Variants in DOCK9 observed in about 807,000 individuals in gnomAD.
DOCK9 encodes dedicator of cytokinesis 9.
Under a neutral mutation model 263.3 loss-of-function variants are expected in DOCK9, and 89 were observed. That is an observed-to-expected ratio of 0.34 (90% CI 0.28 to 0.40). The LOEUF is 0.40. Among genes scored for constraint, DOCK9 ranks in the 10% least tolerant of loss-of-function variants. The pLI, the probability that DOCK9 is intolerant of heterozygous loss-of-function variation, is 1.00. For missense variants in DOCK9, 2,140 were observed against 2,603.4 expected, an observed-to-expected ratio of 0.82 and a Z score of 3.87; for synonymous variants, 976 against 973.1, an observed-to-expected ratio of 1.00 and a Z score of -0.06.
intron 1 of DOCK9, among the ~76,000 whole-genome samples, chr13:99,063,072 G>C (rs1429394822): frequency 6.6e-6 from 1 of 152,200 alleles, no homozygotes; most frequent in Admixed American, 6.5e-5. Flanking sequence ...AATACAAGAG[G>C]TCCAGGAAAG....
chr13:98,975,272 G>A (rs1273629586), intron 1 of DOCK9, among the ~76,000 whole-genome samples: 4 of 151,712 alleles, frequency 2.6e-5, no homozygotes, highest in African/African-American at 4.8e-5. Flanking sequence ...TTAGCTACTC[G>A]GGAGGCTTGA....
intron 32 of DOCK9, 112 bp downstream of exon 32, chr13:98,862,907 T>C: frequency 3.4e-6 from 3 of 890,528 alleles, no homozygotes; most frequent in Non-Finnish European, 5.2e-6. Context: ...TCTGGACTCC[T>C]GACTGGGAGA....
At chr13:98,885,475 C>A (rs765525452) in intron 20 of DOCK9, 3 of 519,710 alleles carry the variant, frequency 5.8e-6, no homozygotes, top group South Asian at 4.1e-5. Context: ...GGGTGTGGTG[C>A]GTGCCTGTAG....
chr13:98,949,129 G>T (rs573448142), intron 2 of DOCK9, among the ~76,000 whole-genome samples: 1 of 152,138 alleles, frequency 6.6e-6, no homozygotes, highest in African/African-American at 2.4e-5. Context: ...CTGGACCGCA[G>T]CAGCACAATC....
chr13:98,974,727 G>A (rs1331499831), intron 1 of DOCK9, among the ~76,000 whole-genome samples: 2 of 108,574 alleles, frequency 1.8e-5, no homozygotes, highest in Non-Finnish European at 3.4e-5. Flanking sequence ...TCCAGCCTGG[G>A]CAACAAGAGC....
At chr13:98,887,065 C>A (rs1173580810) in intron 18 of DOCK9, among the ~76,000 whole-genome samples, 1 of 147,654 alleles carries the variant, frequency 6.8e-6, no homozygotes, top group Non-Finnish European at 1.5e-5. Context: ...CCACCAAGAT[C>A]TTTTTCTCCA....
chr13:99,001,715 C>G (rs1882364913), intron 1 of DOCK9, among the ~76,000 whole-genome samples: 1 of 152,238 alleles, frequency 6.6e-6, no homozygotes, highest in Non-Finnish European at 1.5e-5. Flanking sequence ...TGAAAGAGGA[C>G]AGGACAGCCT....
chr13:98,882,062 A>G, intron 23 of DOCK9, 55 bp from the exon 24 acceptor site: 1 of 1,395,974 alleles, frequency 7.2e-7, no homozygotes, highest in Non-Finnish European at 1.0e-6. Context: ...AAACCAGCCT[A>G]AAGTAACTTC....
intron 46 of DOCK9, 82 bp from the exon 47 acceptor site, chr13:98,809,547 T>C (rs750102208): frequency 2.4e-5 from 28 of 1,163,840 alleles, no homozygotes; most frequent in Non-Finnish European, 3.1e-5. Context: ...ATAATGGAGG[T>C]GAAAAGTCCT....
intron 1 of DOCK9, among the ~76,000 whole-genome samples, chr13:98,963,955 G>T (rs1361514808): frequency 6.6e-6 from 1 of 152,220 alleles, no homozygotes; most frequent in East Asian, 1.9e-4. Context: ...TTGCAGGAAG[G>T]ATCCTCATTT....
intron 2 of DOCK9, among the ~76,000 whole-genome samples, chr13:98,947,163 TTA>T (rs1465882039): frequency 6.6e-6 from 1 of 152,162 alleles, no homozygotes; most frequent in Non-Finnish European, 1.5e-5. Flanking sequence ...GGGACTAGAT[TTA>T]TGTCATGACA....
chr13:98,885,729 T>C lies in DOCK9; in HGVS notation c.2239A>G (p.Arg747Gly). The C allele has an allele frequency of 6.2e-7, 1 of 1,611,616 alleles. No individual in the cohort carries two copies. The highest frequency in any genetic ancestry group is 1.1e-5 in the South Asian group (1 of 90,460). Residue 747 changes from arginine (R) to glycine (G), a missense_variant, in exon 20 of 53, where the codon AGG becomes GGG. Arg to Gly is a moderately radical substitution (Grantham distance 125). Around this residue, in one of 2 missense-constraint regions of DOCK9, gnomAD observed 1,521 missense variants for 1,741.7 expected, o/e 0.87. Transcript: ENST00000682017. ...CAACCTTGGGTTTCAACGACATCCC[T>C]CTTCTTCGTGCTTCCTTTACTTGAG... ...DNSSKGSTKK[R>G]DVVETQVGYS...
chr13:99,030,114 C>T (rs1424043528), intron 1 of DOCK9, among the ~76,000 whole-genome samples: 1 of 152,124 alleles, frequency 6.6e-6, no homozygotes, highest in Admixed American at 6.5e-5. Context: ...GTTGGGGGTA[C>T]AGAGAAACTG....
Position 98,797,505 on chromosome 13 carries a change from A to G in DOCK9, c.5917-16T>C, listed in dbSNP as rs2089572475. 1.3e-6 allele frequency: 2 copies of G among 1,592,310 alleles called. No homozygotes were observed. Among genetic ancestry groups the G allele is most frequent in the Non-Finnish European group, 1.7e-6 (2 of 1,166,430 alleles). ...CAGCATTGACCTAGACAAAGAGCAA[A>G]GATTTTCAGTTCCACTAGGAAGAAA... On this transcript the variant is annotated splice_polypyrimidine_tract_variant and intron_variant, in intron 50 of 52. Coordinates refer to ENST00000682017, the MANE Select transcript of DOCK9 (RefSeq NM_001366683.2).
intron 2 of DOCK9, among the ~76,000 whole-genome samples, chr13:98,942,284 G>T (rs2056057157): frequency 6.7e-6 from 1 of 148,346 alleles, no homozygotes; most frequent in Non-Finnish European, 1.5e-5. Flanking sequence ...GTCCCCCTAG[G>T]CTGGAGTACA....
chr13:99,080,717 C>T (rs2042090432), intron 1 of DOCK9, among the ~76,000 whole-genome samples: 1 of 152,220 alleles, frequency 6.6e-6, no homozygotes, highest in African/African-American at 2.4e-5. Flanking sequence ...TTCCCGAATA[C>T]ACTGGTTCTG....
intron 2 of DOCK9, among the ~76,000 whole-genome samples, 173 bp from the exon 3 acceptor site, chr13:98,930,430 C>T (rs924017186): frequency 3.3e-5 from 5 of 152,198 alleles, no homozygotes; most frequent in African/African-American, 9.6e-5. Flanking sequence ...CACTGGGCAG[C>T]CTCAAGTTCC....
At chr13:98,833,221 A>T (rs1369373442) in intron 39 of DOCK9, 1 of 125,746 alleles carries the variant, frequency 8.0e-6, no homozygotes, top group Non-Finnish European at 1.8e-5. Flanking sequence ...AAAAAAAAAA[A>T]AGATTTCCAG....
intron 1 of DOCK9, among the ~76,000 whole-genome samples, chr13:99,066,914 C>T (rs2041444720): frequency 6.6e-6 from 1 of 152,210 alleles, no homozygotes; most frequent in Non-Finnish European, 1.5e-5. Context: ...AATATCCTAT[C>T]ACTACTCCCA....
Sources: allele counts gnomAD v4.1 joint callset (sites outside exome capture counted in the v4.1 genomes callset), GRCh38; gene constraint gnomAD v4.1.1; regional missense constraint gnomAD v4.1.1; transcripts MANE v1.5; gene names NCBI Gene and HGNC (gene_info 2026-07-23, HGNC 2026-07-21).